The following ARMC2 variants were observed in gnomAD, a reference collection of about 807,000 sequenced individuals.
ARMC2 encodes the protein armadillo repeat containing 2.
A neutral mutation model predicts 90.3 loss-of-function variants in ARMC2; 67 were observed. The observed-to-expected ratio is 0.74, with a 90% CI of 0.61 to 0.91. ARMC2 has a LOEUF of 0.91. Ranked by LOEUF, ARMC2 falls within the 40% of genes least tolerant of loss-of-function variation. ARMC2 has a pLI of 0.00. For synonymous variants in ARMC2, 393 were observed against 393.0 expected (o/e 1.00, Z 0.00); for missense variants, 920 against 1,030.9 (o/e 0.89, Z 1.47).
chr6:108,908,213 C>T (rs146005078), intron 8 of ARMC2, among the ~76,000 whole-genome samples: 1 of 152,306 alleles, frequency 6.6e-6, no homozygotes, highest in Non-Finnish European at 1.5e-5. Flanking sequence ...CTATCTGAGG[C>T]ACGCACTCCT....
chr6:109,046,797 C>T, the ARMC2 span, among the ~76,000 whole-genome samples: 1 of 136,032 alleles, frequency 7.4e-6, no homozygotes, highest in Non-Finnish European at 1.6e-5. Context: ...AGGTGAGGAG[C>T]GTCTCTGCCC....
chr6:108,869,086 C>A, intron 4 of ARMC2, 91 bp downstream of exon 4: 2 of 1,346,538 alleles, frequency 1.5e-6, no homozygotes, highest in Middle Eastern at 2.6e-4. Context: ...TTTTCCTAAC[C>A]CTGGATGATT....
intron 5 of ARMC2, among the ~76,000 whole-genome samples, chr6:108,883,727 A>C (rs1247641790): frequency 6.6e-6 from 1 of 152,122 alleles, no homozygotes; most frequent in Admixed American, 6.6e-5. Context: ...CTTCAGTTTC[A>C]CCTCAATTTC....
At chr6:108,901,457 C>T (rs1365063128) in intron 7 of ARMC2, among the ~76,000 whole-genome samples, 1 of 144,088 alleles carries the variant, frequency 6.9e-6, no homozygotes, top group Non-Finnish European at 1.5e-5. Flanking sequence ...GCTCTGTTGC[C>T]CAGGCTGGAG....
Position 108,957,766 on chromosome 6 carries a change from T to G in ARMC2, c.1916-3806T>G, listed in dbSNP as rs114397193. 6.7e-3 allele frequency among the ~76,000 whole-genome samples: 1,022 copies of G among 152,326 alleles called. 10 individuals carry two copies. Among genetic ancestry groups the G allele is most frequent in the African/African-American group, 0.023 (976 of 41,570 alleles). On this transcript the variant is annotated intron_variant, in intron 13 of 17. Transcript: ENST00000392644. ...CTAGTAAGAACTGACCCTCTCAGTA[T>G]GCCACCAGACTCAGAGATTTGCTGA...
At chr6:108,858,047 G>C (rs1774828921) in intron 2 of ARMC2, among the ~76,000 whole-genome samples, 152 bp from the exon 3 acceptor site, 1 of 152,110 alleles carries the variant, frequency 6.6e-6, no homozygotes, top group African/African-American at 2.4e-5. Context: ...TTAATCAACT[G>C]TTTTAAGTAC....
the ARMC2 span, among the ~76,000 whole-genome samples, chr6:109,033,771 G>A: frequency 1.3e-5 from 2 of 152,274 alleles, no homozygotes; most frequent in Admixed American, 1.3e-4. Flanking sequence ...GCTGGATTCA[G>A]GTTGCCATCT....
rs1384544916 is a variant in ARMC2 at position 108,876,273 on chromosome 6, T to G, written c.594T>G (p.Asp198Glu). 9 of 1,612,978 alleles carry G rather than the reference T, an allele frequency of 5.6e-6. No homozygotes were observed. The Admixed American group carries it at 1.5e-4, about 27-fold the overall frequency. The change falls in exon 5 of 18, where the codon GAT becomes GAG. Residue 198 changes from aspartate (D) to glutamate (E), a missense_variant. Asp to Glu is a conservative substitution (Grantham distance 45, BLOSUM62 2). Transcript: ENST00000392644. Reference sequence around the variant, plus strand: ...GTCACCCACTTCAGCTAACTGATGATGGAGGCTTCAGTGAAATAAAGGAGC... The same window carrying G: ...GTCACCCACTTCAGCTAACTGATGAGGGAGGCTTCAGTGAAATAAAGGAGC... ...LKSHPLQLTD[D>E]GGFSEIKEQE...
chr6:108,895,482 C>CAAAAAA (rs58785510), intron 6 of ARMC2, among the ~76,000 whole-genome samples: 2 of 100,216 alleles, frequency 2.0e-5, no homozygotes, highest in African/African-American at 4.4e-5. Flanking sequence ...AGACTCATCT[C>CAAAAAA]AAAAAAAAAA....
intron 10 of ARMC2, among the ~76,000 whole-genome samples, chr6:108,916,178 C>T (rs1312778646): frequency 6.6e-6 from 1 of 152,114 alleles, no homozygotes; most frequent in Admixed American, 6.5e-5. Context: ...ATGTTTATCA[C>T]CTGGTGGCTG....
intron 4 of ARMC2, among the ~76,000 whole-genome samples, chr6:108,875,212 A>C (rs73524098): frequency 6.6e-6 from 1 of 152,190 alleles, no homozygotes; most frequent in African/African-American, 2.4e-5. Flanking sequence ...TTATATGTCT[A>C]AGAATCTGCA....
At chr6:108,881,254 TTTC>T (rs1266506192) in intron 5 of ARMC2, among the ~76,000 whole-genome samples, 260 of 137,376 alleles carry the variant, frequency 1.9e-3, no homozygotes, top group African/African-American at 6.9e-3. Flanking sequence ...TTTTCTTTTC[TTTC>T]TTCTTTCTTT....
intron 3 of ARMC2, among the ~76,000 whole-genome samples, chr6:108,868,417 A>G (rs768814422): frequency 8.1e-4 from 123 of 152,220 alleles, no homozygotes; most frequent in Middle Eastern, 3.4e-3. Context: ...GGGTTTCACC[A>G]TATTGGTAAG....
the ARMC2 span, among the ~76,000 whole-genome samples, chr6:108,992,260 G>A: frequency 1.3e-5 from 2 of 151,950 alleles, no homozygotes; most frequent in Non-Finnish European, 2.9e-5. Flanking sequence ...CACCACACCT[G>A]GCTAATTTTA....
At chr6:108,961,301 A>G (rs1325708735) in intron 13 of ARMC2, among the ~76,000 whole-genome samples, 1 of 152,240 alleles carries the variant, frequency 6.6e-6, no homozygotes, top group Non-Finnish European at 1.5e-5. Flanking sequence ...CACAGGTCCC[A>G]GATCAGCTGG....
the ARMC2 span, among the ~76,000 whole-genome samples, chr6:108,989,801 C>T: frequency 1.6e-3 from 245 of 152,156 alleles, no homozygotes; most frequent in African/African-American, 4.9e-3. Flanking sequence ...CAGTTGTGTG[C>T]GTTGCTCCAC....
chr6:109,052,152 C>T, the ARMC2 span, among the ~76,000 whole-genome samples: 9 of 152,162 alleles, frequency 5.9e-5, no homozygotes, highest in Admixed American at 5.9e-4. Context: ...GAAAATTCAA[C>T]AAAGAAAGGA....
At chr6:108,886,766 T>C (rs558201403) in intron 5 of ARMC2, among the ~76,000 whole-genome samples, 1 of 152,324 alleles carries the variant, frequency 6.6e-6, no homozygotes, top group South Asian at 2.1e-4. Context: ...GCCCACAAAG[T>C]GTGCAATATA....
At chr6:109,009,373 G>T in the ARMC2 span, 1 of 1,468,440 alleles carries the variant, frequency 6.8e-7, no homozygotes, top group Non-Finnish European at 9.0e-7. Context: ...TCCTGGTCGC[G>T]GCCCCCGCCG....
Sources: allele counts gnomAD v4.1 joint callset (sites outside exome capture counted in the v4.1 genomes callset), GRCh38; gene constraint gnomAD v4.1.1; transcripts MANE v1.5; gene names NCBI Gene and HGNC (gene_info 2026-07-23, HGNC 2026-07-21).